The following RBFOX1 variants were observed in gnomAD, a reference collection of about 807,000 sequenced individuals.
The protein encoded by RBFOX1 is RNA binding protein fox-1 homolog 1.
In RBFOX1, 8 loss-of-function variants were observed where a neutral mutation model predicts 57.7. That is an observed-to-expected ratio of 0.14 (90% CI 0.08 to 0.25). The LOEUF (loss-of-function observed/expected upper bound fraction) is 0.25. RBFOX1 is among the 10% of genes least tolerant of loss of function. The probability of loss-of-function intolerance (pLI) is 1.00; values close to 1 mark genes in which losing one functional copy is unlikely to be tolerated. For missense variants in RBFOX1, 611 were observed against 548.5 expected, an observed-to-expected ratio of 1.11 and a Z score of -1.14; for synonymous variants, 326 against 222.4, an observed-to-expected ratio of 1.47 and a Z score of -4.15.
chr16:6,918,700 G>T (rs1040979136), intron 3 of RBFOX1, among the ~76,000 whole-genome samples: 10 of 152,178 alleles, frequency 6.6e-5, no homozygotes, highest in Non-Finnish European at 1.2e-4. Context: ...TTCAGAGAAA[G>T]AAATCATTCT....
intron 2 of RBFOX1, among the ~76,000 whole-genome samples, chr16:5,504,499 C>G (rs962571214): frequency 6.6e-6 from 1 of 152,214 alleles, no homozygotes; most frequent in African/African-American, 2.4e-5. Flanking sequence ...CACACACGCA[C>G]GATCATAAAA....
intron 3 of RBFOX1, among the ~76,000 whole-genome samples, chr16:6,989,884 C>G (rs1444732739): frequency 1.3e-5 from 2 of 151,944 alleles, no homozygotes; most frequent in Non-Finnish European, 2.9e-5. Flanking sequence ...CCGTATAATC[C>G]CAGCTACTCG....
intron 3 of RBFOX1, among the ~76,000 whole-genome samples, chr16:6,679,876 T>A (rs2058347891): frequency 9.0e-6 from 1 of 111,728 alleles, no homozygotes; most frequent in Non-Finnish European, 1.8e-5. Flanking sequence ...TAGTTTCTAC[T>A]TGTTTTTTTT....
intron 14 of RBFOX1, among the ~76,000 whole-genome samples, chr16:7,679,886 T>G (rs2074303248): frequency 6.6e-6 from 1 of 152,122 alleles, no homozygotes; most frequent in Non-Finnish European, 1.5e-5. Flanking sequence ...ATAGTCTCAT[T>G]GACAAATTTA....
At chr16:6,983,282 T>C (rs1321945245) in intron 3 of RBFOX1, among the ~76,000 whole-genome samples, 1 of 152,130 alleles carries the variant, frequency 6.6e-6, no homozygotes, top group Non-Finnish European at 1.5e-5. Flanking sequence ...TAGAATGATG[T>C]GCAGTTGTCT....
At chr16:6,913,966 C>G (rs965140368) in intron 3 of RBFOX1, among the ~76,000 whole-genome samples, 1 of 152,168 alleles carries the variant, frequency 6.6e-6, no homozygotes, top group Non-Finnish European at 1.5e-5. Flanking sequence ...GATTTATACT[C>G]CCCACCTCAT....
At chr16:6,353,662 C>T (rs901981643) in intron 2 of RBFOX1, among the ~76,000 whole-genome samples, 1 of 152,040 alleles carries the variant, frequency 6.6e-6, no homozygotes, top group African/African-American at 2.4e-5. Context: ...TAAGGACCCT[C>T]GATGTCCCTA....
intron 3 of RBFOX1, among the ~76,000 whole-genome samples, chr16:5,660,994 A>G (rs2049629272): frequency 6.6e-6 from 1 of 152,112 alleles, no homozygotes; most frequent in South Asian, 2.1e-4. Context: ...CGCCATGTTA[A>G]ATGAGTCCTA....
At chr16:5,895,974 A>AG (rs1241588138) in intron 4 of RBFOX1, among the ~76,000 whole-genome samples, 3 of 152,186 alleles carry the variant, frequency 2.0e-5, no homozygotes, top group African/African-American at 7.2e-5. Context: ...AGGGATGTGA[A>AG]GGGAGGAGGA....
At chr16:6,988,076 A>G (rs182280858) in intron 3 of RBFOX1, among the ~76,000 whole-genome samples, 147 of 152,294 alleles carry the variant, frequency 9.7e-4, no homozygotes, top group African/African-American at 3.3e-3. Flanking sequence ...CAGCCAGTAA[A>G]TGGTAAAACC....
chr16:5,662,055 G>T (rs1474728037), intron 3 of RBFOX1, among the ~76,000 whole-genome samples: 1 of 152,040 alleles, frequency 6.6e-6, no homozygotes, highest in Non-Finnish European at 1.5e-5. Flanking sequence ...CAAAGTGCTG[G>T]GATTACAGGC....
chr16:7,262,890 T>G (rs1319203637), intron 4 of RBFOX1, among the ~76,000 whole-genome samples: 1 of 152,216 alleles, frequency 6.6e-6, no homozygotes, highest in East Asian at 1.9e-4. Flanking sequence ...GTGTTCTTAT[T>G]TGAAAGCCAC....
intron 3 of RBFOX1, among the ~76,000 whole-genome samples, chr16:6,746,316 T>TC (rs775897776): frequency 2.6e-5 from 4 of 152,082 alleles, no homozygotes; most frequent in Non-Finnish European, 5.9e-5. Context: ...AAAATATCTT[T>TC]GAAAAAAACA....
intron 3 of RBFOX1, among the ~76,000 whole-genome samples, chr16:5,624,261 C>T (rs140248656): frequency 6.6e-6 from 1 of 152,192 alleles, no homozygotes; most frequent in East Asian, 1.9e-4. Context: ...GTGGTGTGAT[C>T]TAGGCTCACT....
chr16:6,885,914 T>G (rs1321036356), intron 3 of RBFOX1, among the ~76,000 whole-genome samples: 1 of 152,210 alleles, frequency 6.6e-6, no homozygotes, highest in African/African-American at 2.4e-5. Flanking sequence ...AACGTTGACT[T>G]TATTAACCCA....
intron 1 of RBFOX1, among the ~76,000 whole-genome samples, chr16:6,163,797 TA>T (rs1295204387): frequency 1.3e-5 from 2 of 152,192 alleles, no homozygotes; most frequent in African/African-American, 4.8e-5. Context: ...CCTATAGGAA[TA>T]TTTTTTTTGC....
intron 3 of RBFOX1, among the ~76,000 whole-genome samples, chr16:6,892,771 T>G (rs2065780538): frequency 1.7e-5 from 1 of 58,824 alleles, no homozygotes; most frequent in Non-Finnish European, 3.4e-5. Flanking sequence ...AGCCTCCCTG[T>G]CTCCCTCTCT....
chr16:5,576,836 G>T (rs989586534), intron 2 of RBFOX1, among the ~76,000 whole-genome samples: 1 of 152,220 alleles, frequency 6.6e-6, no homozygotes, highest in Admixed American at 6.5e-5. Context: ...GAGCGCTAGA[G>T]AACTAAATAA....
chr16:5,414,584 G>C (rs1475795381), intron 1 of RBFOX1, among the ~76,000 whole-genome samples: 2 of 152,150 alleles, frequency 1.3e-5, no homozygotes, highest in East Asian at 1.9e-4. Context: ...TCGTGGGTTG[G>C]TGTCCAGCTT....
Sources: allele counts gnomAD v4.1 joint callset (sites outside exome capture counted in the v4.1 genomes callset), GRCh38; gene constraint gnomAD v4.1.1; transcripts MANE v1.5; gene names NCBI Gene and HGNC (gene_info 2026-07-23, HGNC 2026-07-21).